NCKAP5: variants seen among roughly 807,000 people sequenced by gnomAD.
NCKAP5 encodes NCK associated protein 5.
Under a neutral mutation model 167.0 loss-of-function variants are expected in NCKAP5, and 92 were observed. The observed-to-expected ratio is 0.55, with a 90% CI of 0.47 to 0.66. The LOEUF is 0.66. Among genes scored for constraint, NCKAP5 ranks in the 30% least tolerant of loss-of-function variants. The pLI is 0.00. For missense variants in NCKAP5, 2,378 were observed against 2,315.0 expected, an observed-to-expected ratio of 1.03 and a Z score of -0.56; for synonymous variants, 891 against 877.4, an observed-to-expected ratio of 1.02 and a Z score of -0.27.
rs988751822 is a variant in NCKAP5 at position 133,374,655 on chromosome 2, C to T, written c.70-71545G>A. ...GGGATATTGGTGATGGGGAGAAGTG[C>T]GTGTGTAGGGCAGGGGGCATGTGGG... On this transcript the variant is annotated intron_variant, in intron 3 of 19. Transcript: ENST00000409261. Among the ~76,000 whole-genome samples the T allele has an allele frequency of 4.0e-5, 6 of 151,842 alleles. No homozygotes were observed. In the East Asian group the frequency reaches 5.8e-4, roughly 15 times the overall value.
At chr2:133,443,520 G>T (rs1030709882) in intron 3 of NCKAP5, among the ~76,000 whole-genome samples, 6 of 152,110 alleles carry the variant, frequency 3.9e-5, no homozygotes, top group African/African-American at 1.4e-4. Flanking sequence ...CATGGGAAGG[G>T]CCCTCCTTTC....
chr2:133,656,091 T>C, the NCKAP5 span, among the ~76,000 whole-genome samples: 1 of 152,122 alleles, frequency 6.6e-6, no homozygotes, highest in Non-Finnish European at 1.5e-5. Context: ...ACACACAACA[T>C]ACACCTTAAA....
the NCKAP5 span, among the ~76,000 whole-genome samples, chr2:133,671,427 GGTTC>G: frequency 1.3e-5 from 2 of 151,842 alleles, no homozygotes; most frequent in East Asian, 1.9e-4. Flanking sequence ...GAGTGATGAA[GGTTC>G]TGCCCTCATA....
chr2:133,425,139 C>T (rs1220976754), intron 3 of NCKAP5, among the ~76,000 whole-genome samples: 1 of 152,226 alleles, frequency 6.6e-6, no homozygotes, highest in Admixed American at 6.5e-5. Context: ...CAGTTAGTCA[C>T]CAACCTCTGT....
At chr2:132,970,337 T>C (rs557077309) in intron 7 of NCKAP5, among the ~76,000 whole-genome samples, 4 of 152,346 alleles carry the variant, frequency 2.6e-5, no homozygotes, top group Non-Finnish European at 4.4e-5. Context: ...AAATACTGTG[T>C]ATTTGTCTTA....
intron 3 of NCKAP5, among the ~76,000 whole-genome samples, chr2:133,344,527 C>CG (rs1683829998): frequency 6.6e-6 from 1 of 151,914 alleles, no homozygotes; most frequent in Non-Finnish European, 1.5e-5. Context: ...AGCAAAGGTA[C>CG]TCTCTGCAAA....
At chr2:132,895,651 T>C (rs1204711361) in intron 8 of NCKAP5, among the ~76,000 whole-genome samples, 1 of 152,064 alleles carries the variant, frequency 6.6e-6, no homozygotes, top group Non-Finnish European at 1.5e-5. Context: ...TACTATGTGC[T>C]ACACTCTGTG....
chr2:133,419,552 T>C (rs1689339023), intron 3 of NCKAP5, among the ~76,000 whole-genome samples: 3 of 152,310 alleles, frequency 2.0e-5, no homozygotes, highest in Admixed American at 2.0e-4. Context: ...TTCCTTCCCT[T>C]TTTAGATGAA....
At chr2:133,178,462 G>A (rs1037877866) in intron 5 of NCKAP5, among the ~76,000 whole-genome samples, 1 of 122,176 alleles carries the variant, frequency 8.2e-6, no homozygotes, top group African/African-American at 3.3e-5. Flanking sequence ...CCAAGATCAG[G>A]CCACTGCACT....
Position 132,782,395 on chromosome 2 carries a change from G to A in NCKAP5, c.4416C>T (p.Ile1472=), listed in dbSNP as rs758863852. 1.5e-5 allele frequency: 25 copies of A among 1,613,914 alleles called. No individual in the cohort carries two copies. The highest frequency in any genetic ancestry group is 4.4e-5 in the South Asian group (4 of 91,084). ...VSSEAPLSPT[I]EEKVMLCIQE... ...GAATGCACAACATGACCTTTTCTTC[G>A]ATTGTGGGTGAGAGGGGGGCTTCTG... The change falls in exon 14 of 20, where the codon ATC becomes ATT. Residue 1472 remains isoleucine (I), a synonymous_variant. Transcript: ENST00000409261.
chr2:133,137,406 T>TG (rs2082828771), intron 5 of NCKAP5, among the ~76,000 whole-genome samples: 11 of 136,304 alleles, frequency 8.1e-5, no homozygotes, highest in African/African-American at 2.8e-4. Context: ...GAGCTTGGTT[T>TG]TGTGTGTGTG....
intron 3 of NCKAP5, among the ~76,000 whole-genome samples, chr2:133,309,525 A>C (rs996379399): frequency 6.6e-6 from 1 of 152,190 alleles, no homozygotes; most frequent in Non-Finnish European, 1.5e-5. Context: ...TGTTTTAAAA[A>C]TTTTACAAAG....
rs774746309 is a variant in NCKAP5, at chr2:133,517,629, T to C, written c.-61-42A>G. The C allele has an allele frequency of 6.9e-4, 427 of 617,264 alleles. 1 individual carries two copies. Among genetic ancestry groups the C allele is most frequent in the Non-Finnish European group, 9.5e-4 (373 of 394,140 alleles). 38.2% of individuals were successfully genotyped at this position (617,264 alleles called of 1,614,324 possible). On this transcript the variant is annotated intron_variant, in intron 2 of 19. Transcript: ENST00000409261. ...TGTGTTTTACTATCCAAGTACACAGTGTTTAGACCTTTGTTTTTAACTCTC... is the reference window on the plus strand; with the variant it reads ...TGTGTTTTACTATCCAAGTACACAGCGTTTAGACCTTTGTTTTTAACTCTC...
At chr2:132,936,212 C>T (rs1696839845) in intron 8 of NCKAP5, among the ~76,000 whole-genome samples, 1 of 152,046 alleles carries the variant, frequency 6.6e-6, no homozygotes, top group Admixed American at 6.6e-5. Flanking sequence ...GAACTCCTGA[C>T]CTGAAGTGAT....
chr2:133,547,066 G>T (rs544236459), intron 2 of NCKAP5, among the ~76,000 whole-genome samples: 2 of 152,342 alleles, frequency 1.3e-5, no homozygotes, highest in East Asian at 3.9e-4. Context: ...CCTCACTTGG[G>T]AAGTGCAAGG....
At chr2:132,891,452 T>C (rs1056383712) in intron 8 of NCKAP5, among the ~76,000 whole-genome samples, 3 of 152,162 alleles carry the variant, frequency 2.0e-5, no homozygotes, top group Admixed American at 6.5e-5. Flanking sequence ...CATTCAGAAG[T>C]CTCTTACTGC....
At chr2:133,158,053 A>G (rs1396237264) in intron 5 of NCKAP5, among the ~76,000 whole-genome samples, 1 of 152,220 alleles carries the variant, frequency 6.6e-6, no homozygotes, top group African/African-American at 2.4e-5. Flanking sequence ...ATGTGCTTCT[A>G]AATGAAAGAG....
At chr2:133,540,093 A>G (rs750234661) in intron 2 of NCKAP5, among the ~76,000 whole-genome samples, 26 of 152,194 alleles carry the variant, frequency 1.7e-4, no homozygotes, top group Admixed American at 3.9e-4. Flanking sequence ...CGGTAGGGGA[A>G]TTGCTTGAAC....
intron 2 of NCKAP5, among the ~76,000 whole-genome samples, chr2:133,526,871 C>T (rs892054922): frequency 6.6e-6 from 1 of 152,074 alleles, no homozygotes; most frequent in Non-Finnish European, 1.5e-5. Context: ...ATAAAATGTA[C>T]ACATAACCCC....
Sources: allele counts gnomAD v4.1 joint callset (sites outside exome capture counted in the v4.1 genomes callset), GRCh38; gene constraint gnomAD v4.1.1; transcripts MANE v1.5; gene names NCBI Gene and HGNC (gene_info 2026-07-23, HGNC 2026-07-21).